The following PLCB1 variants were observed in gnomAD, a reference collection of about 807,000 sequenced individuals.
PLCB1 encodes phospholipase C beta 1, also known as 1-phosphatidylinositol 4,5-bisphosphate phosphodiesterase beta-1.
Under a neutral mutation model 161.8 loss-of-function variants are expected in PLCB1, and 46 were observed. The observed-to-expected ratio is 0.28, with a 90% CI of 0.22 to 0.36. The LOEUF is 0.36. Ranked by LOEUF, PLCB1 falls within the 10% of genes least tolerant of loss-of-function variation. The pLI is 1.00. For synonymous variants in PLCB1, 517 were observed against 503.7 expected (o/e 1.03, Z -0.35); for missense variants, 1,016 against 1,472.5 (o/e 0.69, Z 5.07).
chr20:8,610,624 A>G (rs1354972114), intron 3 of PLCB1, among the ~76,000 whole-genome samples: 1 of 152,174 alleles, frequency 6.6e-6, no homozygotes, highest in Non-Finnish European at 1.5e-5. Flanking sequence ...TTCCTTTCAG[A>G]TAGAATTCAT....
At chr20:8,874,277 A>G (rs957576095) in intron 31 of PLCB1, among the ~76,000 whole-genome samples, 20 of 151,540 alleles carry the variant, frequency 1.3e-4, no homozygotes, top group African/African-American at 4.1e-4. Context: ...GCTCCCAGAG[A>G]AGAAAAAGAA....
chr20:8,224,090 AC>A (rs1338811285), intron 2 of PLCB1, among the ~76,000 whole-genome samples: 11 of 152,208 alleles, frequency 7.2e-5, no homozygotes. Context: ...TGTAAAATAA[AC>A]ATGTAACTTA....
At chr20:8,682,287 G>C (rs983075904) in intron 9 of PLCB1, among the ~76,000 whole-genome samples, 2 of 152,136 alleles carry the variant, frequency 1.3e-5, no homozygotes, top group Admixed American at 6.6e-5. Flanking sequence ...GATCGCTTGA[G>C]TACAGGTGTT....
At chr20:8,872,041 G>T (rs1024812892) in intron 31 of PLCB1, among the ~76,000 whole-genome samples, 2 of 152,152 alleles carry the variant, frequency 1.3e-5, no homozygotes, top group Non-Finnish European at 2.9e-5. Flanking sequence ...TGTGGAGAAA[G>T]AATCTTATCT....
chr20:8,516,311 A>AT (rs1984110041), intron 3 of PLCB1, among the ~76,000 whole-genome samples: 1 of 152,152 alleles, frequency 6.6e-6, no homozygotes, highest in Non-Finnish European at 1.5e-5. Context: ...CCTCCGCTTC[A>AT]TTGCTTCTGA....
chr20:8,226,322 C>G (rs1267591776), intron 2 of PLCB1, among the ~76,000 whole-genome samples: 1 of 152,062 alleles, frequency 6.6e-6, no homozygotes, highest in Non-Finnish European at 1.5e-5. Context: ...TGTGTTGGAC[C>G]CTGTGAGGTC....
chr20:8,249,865 G>C (rs1438397466), intron 2 of PLCB1: 1 of 151,900 alleles, frequency 6.6e-6, no homozygotes, highest in Non-Finnish European at 1.5e-5. Context: ...TGATGTGACT[G>C]AGCATATTAG....
At chr20:8,872,754 G>GCCT in intron 31 of PLCB1, among the ~76,000 whole-genome samples, 1 of 152,108 alleles carries the variant, frequency 6.6e-6, no homozygotes, top group Non-Finnish European at 1.5e-5. Context: ...TTGCTTCCTT[G>GCCT]CCTCATCTCC....
At chr20:8,569,106 A>G (rs966939262) in intron 3 of PLCB1, among the ~76,000 whole-genome samples, 3 of 152,198 alleles carry the variant, frequency 2.0e-5, no homozygotes, top group Non-Finnish European at 4.4e-5. Context: ...CTTTCATTCA[A>G]CCACTGCTGC....
At chr20:8,579,717 A>AT (rs960022836) in intron 3 of PLCB1, among the ~76,000 whole-genome samples, 25 of 151,276 alleles carry the variant, frequency 1.7e-4, no homozygotes, top group Admixed American at 4.6e-4. Flanking sequence ...TTCTGTCTTC[A>AT]TTTTTTTTTC....
At chr20:8,675,105 A>G (rs998210688) in intron 9 of PLCB1, among the ~76,000 whole-genome samples, 1 of 152,166 alleles carries the variant, frequency 6.6e-6, no homozygotes, top group South Asian at 2.1e-4. Flanking sequence ...TGAATCAAGT[A>G]TCAACATATC....
chr20:8,728,580 T>G (rs1372016121), intron 17 of PLCB1, among the ~76,000 whole-genome samples: 3 of 152,088 alleles, frequency 2.0e-5, no homozygotes, highest in Non-Finnish European at 4.4e-5. Context: ...CAGTGCATAT[T>G]ATCTACTTCT....
At chr20:8,371,682 G>GA (rs1169854566) in intron 3 of PLCB1, 475 of 357,554 alleles carry the variant, frequency 1.3e-3, no homozygotes, top group South Asian at 2.2e-3. Context: ...GCCTTTGTTT[G>GA]AAAAAAAAAG....
intron 3 of PLCB1, among the ~76,000 whole-genome samples, chr20:8,504,142 A>G (rs901320151): frequency 6.6e-6 from 1 of 152,164 alleles, no homozygotes; most frequent in Non-Finnish European, 1.5e-5. Context: ...CAGTCTGGCT[A>G]TGGTCCCATT....
At chr20:8,879,873 C>T (rs1313770671) in intron 31 of PLCB1, among the ~76,000 whole-genome samples, 1 of 152,108 alleles carries the variant, frequency 6.6e-6, no homozygotes, top group African/African-American at 2.4e-5. Context: ...GCCCTGAAAG[C>T]TGCAGATGGA....
Position 8,697,664 on chromosome 20 carries a change from C to T in PLCB1, c.1048C>T (p.Arg350Cys), listed in dbSNP as rs1308729547. The change falls in exon 11 of 32, where the codon CGC (arginine) becomes TGC (cysteine). Residue 350 changes from arginine to cysteine, a missense_variant. Coordinates refer to ENST00000338037, the MANE Select transcript of PLCB1 (RefSeq NM_015192.4). ...LAGNSSVEMY[R>C]QVLLSGCRCV... ...TGGAAACTCCTCTGTTGAGATGTAT[C>T]GCCAAGTGCTCCTGTCTGGTTGTCG... 1 of 1,614,174 alleles carries T rather than the reference C, an allele frequency of 6.2e-7. No individual in the cohort carries two copies. The highest frequency in any genetic ancestry group is 8.5e-7 in the Non-Finnish European group (1 of 1,180,014).
chr20:8,685,814 T>G (rs1388475817), intron 10 of PLCB1, among the ~76,000 whole-genome samples: 1 of 152,174 alleles, frequency 6.6e-6, no homozygotes, highest in Non-Finnish European at 1.5e-5. Context: ...CAAATTGACC[T>G]GTGAATGACA....
intron 1 of PLCB1, among the ~76,000 whole-genome samples, chr20:8,147,876 T>TC: frequency 6.7e-6 from 1 of 149,560 alleles, no homozygotes; most frequent in East Asian, 1.9e-4. Context: ...TGAAAAGTTT[T>TC]TTTTTTTTTT....
chr20:8,626,117 G>T (rs1348334304), intron 3 of PLCB1, among the ~76,000 whole-genome samples: 1 of 148,684 alleles, frequency 6.7e-6, no homozygotes, highest in African/African-American at 2.5e-5. Flanking sequence ...GGTGGAGGTT[G>T]CAGTGAGCTG....
Sources: allele counts gnomAD v4.1 joint callset (sites outside exome capture counted in the v4.1 genomes callset), GRCh38; gene constraint gnomAD v4.1.1; transcripts MANE v1.5; gene names NCBI Gene and HGNC (gene_info 2026-07-23, HGNC 2026-07-21).